Variants in CES1 observed in about 807,000 individuals in gnomAD.
CES1 encodes the protein liver carboxylesterase 1.
A neutral mutation model predicts 53.0 loss-of-function variants in CES1; 50 were observed. The ratio of observed to expected loss-of-function variants is 0.94; its 90% CI spans 0.75 to 1.19. The LOEUF is 1.19. Ranked by LOEUF, CES1 falls within the 50% of genes most tolerant of loss-of-function variation. The pLI is 0.00. For missense variants in CES1, 534 were observed against 538.0 expected (o/e 0.99, Z 0.07); for synonymous variants, 202 against 210.1 (o/e 0.96, Z 0.33).
At chr16:55,815,709 G>C (rs1256777387) in intron 8 of CES1, among the ~76,000 whole-genome samples, 1 of 143,662 alleles carries the variant, frequency 7.0e-6, no homozygotes, top group Non-Finnish European at 1.5e-5. Context: ...GCAGCCAGGA[G>C]CCCTTGCCTG....
intron 1 of CES1, 60 bp downstream of exon 1, chr16:55,832,944 C>G (rs1443695894): frequency 2.7e-5 from 37 of 1,391,986 alleles, no homozygotes; most frequent in Middle Eastern, 1.8e-4. Context: ...TCTGCGCCCA[C>G]CTCGGCCCAG....
intron 3 of CES1, 43 bp from the exon 4 acceptor site, chr16:55,823,726 C>T: frequency 6.2e-7 from 1 of 1,612,728 alleles, no homozygotes; most frequent in Non-Finnish European, 8.5e-7. Context: ...GGACACAGAG[C>T]CAGGGAGCAC....
rs2032292987 is a variant in CES1, at chr16:55,823,550, C to T, written c.539G>A (p.Ser180Asn). 6.2e-7 allele frequency: 1 copy of T among 1,611,496 alleles called. No homozygotes were observed. The highest frequency in any genetic ancestry group is 2.2e-5 in the East Asian group (1 of 44,880). The change falls in exon 4 of 14, where the codon AGC (serine) becomes AAC (asparagine). Residue 180 changes from serine to asparagine, a missense_variant and splice_region_variant. Physicochemically the swap from Ser to Asn is conservative, Grantham distance 46. Transcript: ENST00000360526. ...QYRLGIWGFF[S>N]TGDEHSRGNW... is the part of the protein sequence containing the mutation. ...CAGTGAGGAGAGTCCGATTTCTTAC[C>T]TGAAGAATCCCCAGATGCCCAGGCG... is the stretch of plus-strand genomic sequence containing the variant.
chr16:55,826,484 T>C (rs2032424489), intron 2 of CES1, among the ~76,000 whole-genome samples, 189 bp from the exon 3 acceptor site: 1 of 152,176 alleles, frequency 6.6e-6, no homozygotes, highest in Non-Finnish European at 1.5e-5. Context: ...TAAGGTCTCC[T>C]AAGACCAAGC....
intron 7 of CES1, among the ~76,000 whole-genome samples, chr16:55,817,813 C>T (rs777383528): frequency 1.6e-4 from 24 of 151,882 alleles, no homozygotes; most frequent in East Asian, 7.7e-4. Context: ...GGAGGCAGCG[C>T]GTAATCATGG....
At chr16:55,826,745 C>T (rs1205091455) in intron 2 of CES1, among the ~76,000 whole-genome samples, 6 of 152,144 alleles carry the variant, frequency 3.9e-5, no homozygotes, top group Admixed American at 2.0e-4. Flanking sequence ...TCTAAGTGAG[C>T]GGAGTGATTT....
chr16:55,817,822 G>A (rs541031858), intron 7 of CES1, among the ~76,000 whole-genome samples: 1 of 152,114 alleles, frequency 6.6e-6, no homozygotes, highest in Admixed American at 6.5e-5. Context: ...GCGTAATCAT[G>A]GAGGTGCTTC....
chr16:55,809,645 A>G (rs1175110662), intron 11 of CES1, among the ~76,000 whole-genome samples: 1 of 152,136 alleles, frequency 6.6e-6, no homozygotes, highest in African/African-American at 2.4e-5. Context: ...TACTGCACGC[A>G]CTGAGATGCA....
intron 10 of CES1, 24 bp from the exon 11 acceptor site, chr16:55,810,688 A>AC: frequency 6.2e-7 from 1 of 1,613,916 alleles, no homozygotes; most frequent in Non-Finnish European, 8.5e-7. Flanking sequence ...AAAAGTGACC[A>AC]CCAGCCCCGG....
At chr16:55,821,603 C>T (rs2032201970) in intron 4 of CES1, 82 bp from the exon 5 acceptor site, 9 of 1,460,476 alleles carry the variant, frequency 6.2e-6, no homozygotes, top group South Asian at 1.1e-5. Context: ...GCTAGGGGTT[C>T]TCAGTGAACC....
chr16:55,825,570 C>T (rs115391932), intron 3 of CES1, among the ~76,000 whole-genome samples: 1,720 of 152,338 alleles, frequency 0.011, 31 homozygotes, highest in African/African-American at 0.039. Context: ...TGGGATTGTC[C>T]AGGCTCCGCC....
In CES1 at chr16:55,810,662, G is replaced by A; in HGVS notation, c.1173C>T (p.Cys391=). The part of the protein sequence containing the change: ...SLLWKSYPLV[C]IAKELIPEAT... ...CTTCTGGAATCAGTTCCTTAGCAAT[G>A]CACTGAAATAGATCAAAAAGTGACC... Residue 391 remains cysteine, a splice_region_variant and synonymous_variant, in exon 11 of 14, where the codon TGC becomes TGT. Transcript: ENST00000360526. 1 of 1,614,088 alleles carries A rather than the reference G, an allele frequency of 6.2e-7. No homozygotes were observed. Among genetic ancestry groups the A allele is most frequent in the South Asian group, 1.1e-5 (1 of 91,078 alleles).
chr16:55,813,096 T>C lies in CES1; in HGVS notation c.946-53A>G. ...GATTCCCTCCCTAGTCACACCCATG[T>C]CCCCAACTCTGCCTGTCTGAGGGTG... On this transcript the variant is annotated intron_variant, in intron 8 of 13. Coordinates refer to ENST00000360526, the MANE Select transcript of CES1 (RefSeq NM_001025195.2). 5 of 1,610,604 alleles carry C rather than the reference T, an allele frequency of 3.1e-6. No individual in the cohort carries two copies. In the South Asian group the frequency reaches 5.5e-5, roughly 18 times the overall value.
chr16:55,816,651 A>C (rs1416975963), intron 8 of CES1, among the ~76,000 whole-genome samples: 1 of 152,144 alleles, frequency 6.6e-6, no homozygotes, highest in Non-Finnish European at 1.5e-5. Context: ...GGGAGCAGAA[A>C]ATGTAAAAAA....
intron 10 of CES1, 131 bp downstream of exon 10, chr16:55,810,796 G>T (rs1479434221): frequency 7.0e-7 from 1 of 1,420,850 alleles, no homozygotes; most frequent in African/African-American, 1.4e-5. Context: ...AAAATGAAGT[G>T]GGAAAGGTGG....
rs376785712 is a variant in CES1 at position 55,828,832 on chromosome 16, C to T, written c.195G>A (p.Arg65=). ...PFAKPPLGPL[R]FTPPQPAEPW... is the part of the protein sequence containing the mutation. ...GTTCTGCAGGCTGCGGTGGAGTAAA[C>T]CTCAGGGGTCCAAGAGGCGGCTTGG... Residue 65 remains arginine (R), a synonymous_variant, in exon 2 of 14, where the codon AGG becomes AGA. Transcript: ENST00000360526. 209 of 1,614,306 alleles carry T rather than the reference C, an allele frequency of 1.3e-4. No individual in the cohort carries two copies. The highest frequency in any genetic ancestry group is 1.7e-4 in the Non-Finnish European group (203 of 1,180,056).
rs377597622 is a variant in CES1, at chr16:55,828,871, C to A, written c.156G>T (p.Leu52=). 6.2e-7 allele frequency: 1 copy of A among 1,614,146 alleles called. No individual in the cohort carries two copies. The highest frequency in any genetic ancestry group is 1.3e-5 in the African/African-American group (1 of 74,962). Residue 52 remains leucine, a synonymous_variant, in exon 2 of 14, where the codon CTG becomes CTT. Coordinates refer to ENST00000360526, the MANE Select transcript of CES1 (RefSeq NM_001025195.2). Reference sequence around the variant, plus strand: ...GAGGCGGCTTGGCAAAAGGGATTCCCAGGAAAATGGCCACAGGCTGTGCAA... The same window carrying A: ...GAGGCGGCTTGGCAAAAGGGATTCCAAGGAAAATGGCCACAGGCTGTGCAA... ...EGFAQPVAIF[L]GIPFAKPPLG... is the part of the protein sequence containing the mutation.
Position 55,828,843 on chromosome 16 carries a change from C to T in CES1, c.184G>A (p.Gly62Arg). 6.2e-7 allele frequency: 1 copy of T among 1,614,308 alleles called. No homozygotes were observed. The highest frequency in any genetic ancestry group is 8.5e-7 in the Non-Finnish European group (1 of 1,180,054). ...LGIPFAKPPL[G>R]PLRFTPPQPA... The stretch of plus-strand genomic sequence containing the variant: ...TGCGGTGGAGTAAACCTCAGGGGTC[C>T]AAGAGGCGGCTTGGCAAAAGGGATT... Residue 62 changes from glycine (G) to arginine (R), a missense_variant, in exon 2 of 14, where the codon GGA (glycine) becomes AGA (arginine). Transcript: ENST00000360526.
Position 55,812,861 on chromosome 16 carries a change from T to A in CES1, c.1086+42A>T, listed in dbSNP as rs765028063. 7 of 1,612,646 alleles carry A rather than the reference T, an allele frequency of 4.3e-6. No individual in the cohort carries two copies. The South Asian group carries it at 7.7e-5, about 18-fold the overall frequency. On this transcript the variant is annotated intron_variant, in intron 9 of 13. Transcript: ENST00000360526. ...CTGGGACCAGAGACAGGAGGGCTGA[T>A]GGGGGTGGTTGAGTCCCTCCAACAG...
Sources: gnomAD v4.1 joint callset for allele counts (sites outside exome capture counted in the v4.1 genomes callset) on GRCh38, gnomAD v4.1.1 for gene constraint, MANE v1.5 for transcripts, NCBI Gene and HGNC (gene_info 2026-07-23, HGNC 2026-07-21) for gene names.